The following PTPRN2 variants were observed in gnomAD, a reference collection of about 807,000 sequenced individuals.
PTPRN2 encodes receptor-type tyrosine-protein phosphatase N2.
A neutral mutation model predicts 118.8 loss-of-function variants in PTPRN2; 74 were observed. The observed-to-expected ratio is 0.62, with a 90% CI of 0.52 to 0.76. The LOEUF is 0.76. Among genes scored for constraint, PTPRN2 ranks in the 30% least tolerant of loss-of-function variants. The pLI is 0.00. For missense variants in PTPRN2, 1,481 were observed against 1,394.4 expected (o/e 1.06, Z -0.99); for synonymous variants, 641 against 608.0 (o/e 1.05, Z -0.80).
chr7:158,221,669 A>G (rs1457630811), intron 3 of PTPRN2, among the ~76,000 whole-genome samples: 1 of 152,146 alleles, frequency 6.6e-6, no homozygotes, highest in Middle Eastern at 3.2e-3. Flanking sequence ...CGGATCCATC[A>G]GATCTCATGA....
chr7:157,976,603 C>T (rs1374783111), intron 11 of PTPRN2, among the ~76,000 whole-genome samples: 1 of 151,738 alleles, frequency 6.6e-6, no homozygotes, highest in Non-Finnish European at 1.5e-5. Context: ...GCTGCCCTAC[C>T]AGACCCTGGG....
intron 10 of PTPRN2, among the ~76,000 whole-genome samples, chr7:158,081,973 G>A (rs184870793): frequency 6.6e-6 from 1 of 151,952 alleles, no homozygotes; most frequent in Admixed American, 6.5e-5. Flanking sequence ...CCCATATGCA[G>A]TAGAAACTGA....
intron 2 of PTPRN2, among the ~76,000 whole-genome samples, chr7:158,440,509 AG>A (rs1387361254): frequency 6.8e-6 from 1 of 146,244 alleles, no homozygotes; most frequent in Non-Finnish European, 1.5e-5. Flanking sequence ...TGATGGTAAT[AG>A]GGGTGATAGT....
chr7:158,023,791 TGCACATGCATGCAGGCACACACAAGCAG>T (rs1423608299), intron 11 of PTPRN2, among the ~76,000 whole-genome samples: 1 of 152,196 alleles, frequency 6.6e-6, no homozygotes, highest in African/African-American at 2.4e-5. Context: ...TCCTGAGTCA[TGCACATGCATGCAGGCACACACAAGCAG>T]GCACACACAT....
Position 157,884,125 on chromosome 7 carries a change from C to A in PTPRN2, c.1788+14548G>T, listed in dbSNP as rs554481113. Among the ~76,000 whole-genome samples the A allele has an allele frequency of 3.9e-5, 6 of 152,106 alleles. No individual in the cohort carries two copies. The South Asian group carries it at 8.3e-4, about 21-fold the overall frequency. ...CCTGTCAGAGACCAGAACATGCCAC[C>A]CCAAAATGACTGTCAGAGAACAGAA... is the stretch of plus-strand genomic sequence containing the variant. On this transcript the variant is annotated intron_variant, in intron 12 of 22. Coordinates refer to ENST00000389418, the MANE Select transcript of PTPRN2 (RefSeq NM_002847.5).
intron 9 of PTPRN2, among the ~76,000 whole-genome samples, chr7:158,132,309 T>G (rs1818405331): frequency 7.0e-6 from 1 of 141,894 alleles, no homozygotes; most frequent in Non-Finnish European, 1.5e-5. Context: ...CTACCCGACA[T>G]ACACACTCAT....
At chr7:158,514,935 C>T (rs1435377549) in intron 1 of PTPRN2, among the ~76,000 whole-genome samples, 1 of 152,102 alleles carries the variant, frequency 6.6e-6, no homozygotes, top group Non-Finnish European at 1.5e-5. Context: ...ATCATGAGGC[C>T]TCTGCAGAGC....
chr7:158,120,691 C>G (rs1221649929), intron 9 of PTPRN2, among the ~76,000 whole-genome samples: 2 of 152,224 alleles, frequency 1.3e-5, no homozygotes, highest in Non-Finnish European at 1.5e-5. Flanking sequence ...GATGTCCTCT[C>G]TTTTCCTGTA....
At chr7:157,996,937 C>T (rs912043226) in intron 11 of PTPRN2, among the ~76,000 whole-genome samples, 6 of 152,270 alleles carry the variant, frequency 3.9e-5, no homozygotes, top group African/African-American at 1.2e-4. Flanking sequence ...TGGGGAGGCA[C>T]GAGCTTCTCT....
At chr7:158,141,420 C>G (rs1015212481) in intron 6 of PTPRN2, among the ~76,000 whole-genome samples, 1 of 152,174 alleles carries the variant, frequency 6.6e-6, no homozygotes, top group Non-Finnish European at 1.5e-5. Context: ...GGGCCGGCAC[C>G]CGGTCCCCAC....
In PTPRN2 at chr7:158,205,293, A is replaced by G. The variant is rs769354356; in HGVS notation, c.278-20T>C. 2.5e-6 allele frequency: 4 copies of G among 1,571,652 alleles called. No individual in the cohort carries two copies. The highest frequency in any genetic ancestry group is 1.4e-5 in the African/African-American group (1 of 73,932). On this transcript the variant is annotated intron_variant, in intron 3 of 22. Coordinates refer to ENST00000389418, the MANE Select transcript of PTPRN2 (RefSeq NM_002847.5). ...TGAAACCTGTGGACAAAAATTGCAA[A>G]AATTATGTCATCATTTTGGAAATTT...
In PTPRN2 at chr7:157,596,651, C is replaced by A. The variant is rs1801356016; in HGVS notation, c.2419-1336G>T. On this transcript the variant is annotated intron_variant, in intron 16 of 22. Transcript: ENST00000389418. This position sits in a 1 kb window ranked among gnomAD's most constrained non-coding sequence, Gnocchi z 4.2. ...ACATCACTATCATCCCCAGGGCTCA[C>A]CAGCTCCTCCCCACACCTCCCAGAA... 6.6e-6 allele frequency among the ~76,000 whole-genome samples: 1 copy of A among 152,166 alleles called. No individual in the cohort carries two copies. The highest frequency in any genetic ancestry group is 2.4e-5 in the African/African-American group (1 of 41,436).
Position 158,372,308 on chromosome 7 carries a change from A to AGCTGGTCCCCCCAG in PTPRN2, c.164-55377_164-55376insCTGGGGGGACCAGC, listed in dbSNP as rs1563213115. ...CTGGTCCCCGGAGCTGGTCCCCCCA[A>AGCTGGTCCCCCCAG]CGCTGGTCCCCGGAGCTGGTCCCCC... On this transcript the variant is annotated intron_variant, in intron 2 of 22. Transcript: ENST00000389418. 4.9e-4 allele frequency among the ~76,000 whole-genome samples: 40 copies of AGCTGGTCCCCCCAG among 82,466 alleles called. 3 individuals carry two copies. Among genetic ancestry groups the AGCTGGTCCCCCCAG allele is most frequent in the African/African-American group, 1.3e-3 (30 of 22,590 alleles). The allele number at this position is 82,466 out of a possible 152,430, so 54.1% of individuals were successfully genotyped here. A position where few individuals can be genotyped will look rare whatever the true frequency, so the allele number is the denominator to read the frequency against.
At chr7:158,059,860 T>G (rs1325887551) in intron 11 of PTPRN2, among the ~76,000 whole-genome samples, 1 of 116,528 alleles carries the variant, frequency 8.6e-6, no homozygotes, top group Admixed American at 8.2e-5. Flanking sequence ...GCAGCCACAC[T>G]CCATCTGCCC....
intron 1 of PTPRN2, among the ~76,000 whole-genome samples, chr7:158,587,308 C>A (rs1829016575): frequency 1.1e-5 from 1 of 94,832 alleles, no homozygotes; most frequent in Non-Finnish European, 2.2e-5. Context: ...CAGAGGCGCC[C>A]CTCCCCCAAC....
At chr7:158,062,607 T>G (rs1810429734) in intron 11 of PTPRN2, among the ~76,000 whole-genome samples, 1 of 151,872 alleles carries the variant, frequency 6.6e-6, no homozygotes, top group Admixed American at 6.5e-5. Context: ...CTGTGCGTGG[T>G]GCTCACGGGC....
intron 13 of PTPRN2, among the ~76,000 whole-genome samples, chr7:157,675,067 GCTGGAATCTCCTCCCCACCGCCTA>G (rs1390347058): frequency 1.3e-5 from 2 of 148,270 alleles, no homozygotes; most frequent in Non-Finnish European, 3.1e-5. Context: ...GTACCCGCCT[GCTGGAATCTCCTCCCCACCGCCTA>G]CTGTTTCTTT....
chr7:158,287,670 T>A (rs1799854093), intron 3 of PTPRN2, among the ~76,000 whole-genome samples: 1 of 152,138 alleles, frequency 6.6e-6, no homozygotes, highest in African/African-American at 2.4e-5. Context: ...CATACCAGGA[T>A]GTTCAGAAAA....
intron 2 of PTPRN2, among the ~76,000 whole-genome samples, chr7:158,386,648 C>G (rs2151362811): frequency 6.6e-6 from 1 of 152,264 alleles, no homozygotes. Context: ...AAACATTTAA[C>G]CTGGAAAAAA....
Sources: allele counts gnomAD v4.1 joint callset (sites outside exome capture counted in the v4.1 genomes callset), GRCh38; gene constraint gnomAD v4.1.1; non-coding constraint Gnocchi (gnomAD v3.1); transcripts MANE v1.5; gene names NCBI Gene and HGNC (gene_info 2026-07-23, HGNC 2026-07-21).